The following KCNK1 variants were observed in gnomAD, a reference collection of about 807,000 sequenced individuals.
KCNK1 encodes the protein potassium channel subfamily K member 1.
KCNK1 carries 10 observed loss-of-function variants against 22.2 expected under a neutral mutation model. The observed-to-expected ratio is 0.45, with a 90% confidence interval of 0.28 to 0.76. KCNK1 has a LOEUF of 0.76. Among genes scored for constraint, KCNK1 ranks in the 30% least tolerant of loss-of-function variants. The pLI, the probability that KCNK1 is intolerant of heterozygous loss-of-function variation, is 0.14. For synonymous variants in KCNK1, 200 were observed against 186.4 expected (o/e 1.07, Z -0.60); for missense variants, 378 against 421.0 (o/e 0.90, Z 0.89).
chr1:233,642,520 G>A (rs1361773196), intron 1 of KCNK1, among the ~76,000 whole-genome samples: 2 of 152,130 alleles, frequency 1.3e-5, no homozygotes, highest in Non-Finnish European at 2.9e-5. Flanking sequence ...AAAGGGCAGG[G>A]GGTGTTCTGA....
At chr1:233,668,267 G>C (rs1658533855) in intron 2 of KCNK1, among the ~76,000 whole-genome samples, 1 of 152,182 alleles carries the variant, frequency 6.6e-6, no homozygotes, top group African/African-American at 2.4e-5. Context: ...GCAGCCAGAT[G>C]CTCTGTCTTG....
At chr1:233,645,334 A>C (rs1658074222) in intron 1 of KCNK1, among the ~76,000 whole-genome samples, 1 of 152,204 alleles carries the variant, frequency 6.6e-6, no homozygotes, top group African/African-American at 2.4e-5. Flanking sequence ...CTTCTTTGGA[A>C]AAAACGTCCT....
intron 1 of KCNK1, among the ~76,000 whole-genome samples, chr1:233,662,265 TCTTCTTCTCCTC>T (rs1191057853): frequency 2.2e-4 from 30 of 137,186 alleles, no homozygotes; most frequent in Middle Eastern, 3.6e-3. Context: ...TTCTTCTTCT[TCTTCTTCTCCTC>T]CTCCTCCTCC....
intron 1 of KCNK1, chr1:233,631,633 G>A (rs1411745422): frequency 4.0e-6 from 1 of 250,494 alleles, no homozygotes; most frequent in Non-Finnish European, 7.9e-6. Flanking sequence ...CGTGTGTCAG[G>A]GTACACAGTA....
At chr1:233,636,684 A>G (rs1033365750) in intron 1 of KCNK1, 1 of 152,644 alleles carries the variant, frequency 6.6e-6, no homozygotes, top group African/African-American at 2.4e-5. Flanking sequence ...CTCACATTAG[A>G]TATCTGAACA....
At chr1:233,622,266 G>A (rs990195107) in intron 1 of KCNK1, among the ~76,000 whole-genome samples, 1 of 152,344 alleles carries the variant, frequency 6.6e-6, no homozygotes. Flanking sequence ...TTCAGGGACA[G>A]AAATCTCATC....
Position 233,614,285 on chromosome 1 carries a change from A to G in KCNK1, c.114A>G (p.Ala38=), listed in dbSNP as rs1437971321. 6.2e-7 allele frequency: 1 copy of G among 1,613,292 alleles called. No homozygotes were observed. ...LGYLLYLVFG[A]VVFSSVELPY... Reference sequence around the variant, plus strand: ...ACTTGCTCTACCTGGTCTTCGGCGCAGTGGTCTTCTCCTCGGTGGAGCTGC... The same window carrying G: ...ACTTGCTCTACCTGGTCTTCGGCGCGGTGGTCTTCTCCTCGGTGGAGCTGC... Residue 38 remains alanine, a synonymous_variant, in exon 1 of 3, where the codon GCA becomes GCG. Coordinates refer to ENST00000366621, the MANE Select transcript of KCNK1 (RefSeq NM_002245.4).
intron 1 of KCNK1, among the ~76,000 whole-genome samples, chr1:233,625,749 T>C (rs1362646823): frequency 6.6e-6 from 1 of 152,062 alleles, no homozygotes; most frequent in Non-Finnish European, 1.5e-5. Context: ...GTGAAAGCCT[T>C]ACTGAGAAGA....
intron 2 of KCNK1, among the ~76,000 whole-genome samples, chr1:233,667,769 T>C (rs1047908392): frequency 5.3e-5 from 8 of 150,108 alleles, no homozygotes; most frequent in Non-Finnish European, 1.2e-4. Context: ...ATACAGAATG[T>C]ACTTGATAAC....
chr1:233,642,809 C>T (rs560347920), intron 1 of KCNK1, among the ~76,000 whole-genome samples: 38 of 151,812 alleles, frequency 2.5e-4, no homozygotes, highest in African/African-American at 7.7e-4. Flanking sequence ...CACTCTGTCA[C>T]CCAGGCTGGA....
chr1:233,654,369 T>TC (rs1658253237), intron 1 of KCNK1, among the ~76,000 whole-genome samples: 1 of 151,896 alleles, frequency 6.6e-6, no homozygotes, highest in African/African-American at 2.4e-5. Flanking sequence ...AACAAATTTT[T>TC]TTAAAAAGCG....
chr1:233,670,564 A>T (rs1336076128), intron 2 of KCNK1, among the ~76,000 whole-genome samples: 2 of 152,182 alleles, frequency 1.3e-5, no homozygotes, highest in Non-Finnish European at 2.9e-5. Flanking sequence ...CATGGATGGC[A>T]GCAGGCAAAG....
At chr1:233,624,945 G>T (rs1002411408) in intron 1 of KCNK1, among the ~76,000 whole-genome samples, 3 of 152,272 alleles carry the variant, frequency 2.0e-5, no homozygotes, top group Non-Finnish European at 2.9e-5. Flanking sequence ...GGTTGGGATC[G>T]GAGATACAAT....
At chr1:233,631,163 C>A (rs1657783791) in intron 1 of KCNK1, 3 of 445,252 alleles carry the variant, frequency 6.7e-6, no homozygotes, top group Admixed American at 2.4e-5. Flanking sequence ...GTCCATCATC[C>A]ACAGTCTATT....
chr1:233,669,436 T>A (rs1453344149), intron 2 of KCNK1, among the ~76,000 whole-genome samples: 1 of 152,210 alleles, frequency 6.6e-6, no homozygotes, highest in African/African-American at 2.4e-5. Context: ...ATCAAGAACC[T>A]GAGTATCTAA....
chr1:233,631,633 G>C (rs1411745422), intron 1 of KCNK1: 1 of 250,376 alleles, frequency 4.0e-6, no homozygotes, highest in African/African-American at 2.3e-5. Context: ...CGTGTGTCAG[G>C]GTACACAGTA....
chr1:233,617,309 G>A (rs1287208697), intron 1 of KCNK1, among the ~76,000 whole-genome samples: 1 of 152,154 alleles, frequency 6.6e-6, no homozygotes, highest in Non-Finnish European at 1.5e-5. Flanking sequence ...TTGGAAGAAG[G>A]CTTAGGTTGG....
chr1:233,637,736 A>G (rs1657926194), intron 1 of KCNK1, among the ~76,000 whole-genome samples: 2 of 152,136 alleles, frequency 1.3e-5, no homozygotes, highest in Admixed American at 1.3e-4. Flanking sequence ...TTGGAATGTA[A>G]TGTCGTTTTG....
intron 1 of KCNK1, among the ~76,000 whole-genome samples, chr1:233,631,646 A>C (rs760887805): frequency 1.3e-5 from 2 of 152,122 alleles, no homozygotes; most frequent in Non-Finnish European, 2.9e-5. Context: ...ACACAGTAAG[A>C]CAATTCATTT....
Sources: allele counts gnomAD v4.1 joint callset (sites outside exome capture counted in the v4.1 genomes callset), GRCh38; gene constraint gnomAD v4.1.1; transcripts MANE v1.5; gene names NCBI Gene and HGNC (gene_info 2026-07-23, HGNC 2026-07-21).